The following PLXNA4 variants were observed in gnomAD, a reference collection of about 807,000 sequenced individuals.
PLXNA4 encodes the protein plexin-A4.
PLXNA4 carries 44 observed loss-of-function variants against 191.8 expected under a neutral mutation model. The ratio of observed to expected loss-of-function variants is 0.23; its 90% CI spans 0.18 to 0.29. The LOEUF is 0.29. Among genes scored for constraint, PLXNA4 ranks in the 10% least tolerant of loss-of-function variants. The pLI, the probability that PLXNA4 is intolerant of heterozygous loss-of-function variation, is 1.00. For missense variants in PLXNA4, 1,800 were observed against 2,488.8 expected (o/e 0.72, Z 5.89); for synonymous variants, 1,082 against 1,009.5 (o/e 1.07, Z -1.36).
chr7:132,492,165 G>A (rs1002054035), intron 2 of PLXNA4, among the ~76,000 whole-genome samples: 1 of 152,098 alleles, frequency 6.6e-6, no homozygotes, highest in Non-Finnish European at 1.5e-5. Flanking sequence ...GCACAGGGTG[G>A]GGACACTGAG....
chr7:132,512,320 T>A (rs1210122464), intron 1 of PLXNA4, among the ~76,000 whole-genome samples: 1 of 152,168 alleles, frequency 6.6e-6, no homozygotes, highest in African/African-American at 2.4e-5. Flanking sequence ...AGCTCTCTAG[T>A]CTGCAAGAGG....
rs557200276 is a variant in PLXNA4, at chr7:132,459,139, C to T, written c.1371+30153G>A. On this transcript the variant is annotated intron_variant, in intron 3 of 31. Transcript: ENST00000321063. ...AGAGCCCGCGCTCTTCCTCCTGCCA[C>T]CCAGCCGTGGAGCATTTGGACCCTT... is the stretch of plus-strand genomic sequence containing the variant. Among the ~76,000 whole-genome samples, 138 of 152,306 alleles carry T rather than the reference C, an allele frequency of 9.1e-4. 3 individuals carry two copies. The South Asian group carries it at 0.027, about 30-fold the overall frequency.
In PLXNA4 at chr7:132,210,994, T is replaced by C; in HGVS notation, c.2247A>G (p.Arg749=). ...AGCTGTTGAAGCGCAGGGCGGGCAC[T>C]CGCTGCTCGCTGCCCTGAATGTTGA... ...CILNIQGSEQ[R]VPALRFNSSS... is the part of the protein sequence containing the mutation. The change falls in exon 10 of 32, where the codon CGA becomes CGG. Residue 749 remains arginine (R), a synonymous_variant. Transcript: ENST00000321063. 3.1e-6 allele frequency: 5 copies of C among 1,613,778 alleles called. No homozygotes were observed. The highest frequency in any genetic ancestry group is 4.2e-6 in the Non-Finnish European group (5 of 1,180,014).
chr7:132,191,183 T>C (rs1797075265), intron 14 of PLXNA4, among the ~76,000 whole-genome samples: 1 of 152,094 alleles, frequency 6.6e-6, no homozygotes. Context: ...GCGGCTGACA[T>C]GATGGTAGAT....
chr7:132,462,168 C>T (rs1208271258), intron 3 of PLXNA4, among the ~76,000 whole-genome samples: 1 of 152,152 alleles, frequency 6.6e-6, no homozygotes. Flanking sequence ...TAAAATCATA[C>T]TGTTTAATTC....
At chr7:132,451,370 G>A (rs948528037) in intron 3 of PLXNA4, among the ~76,000 whole-genome samples, 10 of 152,136 alleles carry the variant, frequency 6.6e-5, no homozygotes, top group South Asian at 2.1e-4. Flanking sequence ...AGGCAGCAGC[G>A]GCTGCTGACG....
chr7:132,522,258 C>A (rs1367193772), intron 1 of PLXNA4, among the ~76,000 whole-genome samples: 1 of 152,208 alleles, frequency 6.6e-6, no homozygotes, highest in Non-Finnish European at 1.5e-5. Flanking sequence ...CAACCATCAC[C>A]ACCTCTCATT....
intron 3 of PLXNA4, among the ~76,000 whole-genome samples, chr7:132,400,638 G>T (rs1187336218): frequency 6.6e-6 from 1 of 152,148 alleles, no homozygotes. Flanking sequence ...TCCCAGGAAA[G>T]AGAAGCCTCC....
At chr7:132,354,295 G>A (rs1338514791) in intron 3 of PLXNA4, among the ~76,000 whole-genome samples, 3 of 152,134 alleles carry the variant, frequency 2.0e-5, no homozygotes, top group East Asian at 3.9e-4. Flanking sequence ...TGAACTCACG[G>A]TACTCACAAT....
In PLXNA4 at chr7:132,344,062, C is replaced by T. The variant is rs982519046; in HGVS notation, c.1372-45840G>A. Among the ~76,000 whole-genome samples the T allele has an allele frequency of 2.1e-4, 32 of 152,180 alleles. 1 individual carries two copies. Among genetic ancestry groups the T allele is most frequent in the East Asian group, 7.7e-4 (4 of 5,188 alleles). On this transcript the variant is annotated intron_variant, in intron 3 of 31. Coordinates refer to ENST00000321063, the MANE Select transcript of PLXNA4 (RefSeq NM_020911.2). Reference sequence around the variant, plus strand: ...CCATAATGCCCCTAGTACCCAATGGCCAACTTGAATTACTGTGTCTTATCA... The same window carrying T: ...CCATAATGCCCCTAGTACCCAATGGTCAACTTGAATTACTGTGTCTTATCA...
intron 3 of PLXNA4, among the ~76,000 whole-genome samples, chr7:132,341,092 C>G (rs1585012365): frequency 6.6e-6 from 1 of 152,266 alleles, no homozygotes; most frequent in South Asian, 2.1e-4. Flanking sequence ...AGAACTGACC[C>G]CTATCCAGGC....
At chr7:132,303,310 C>T (rs972186610) in intron 3 of PLXNA4, among the ~76,000 whole-genome samples, 2 of 147,374 alleles carry the variant, frequency 1.4e-5, no homozygotes, top group South Asian at 2.2e-4. Context: ...GTTGCTTAAG[C>T]CTGTAATCCC....
chr7:132,324,976 C>A (rs879452422), intron 3 of PLXNA4, among the ~76,000 whole-genome samples: 1 of 152,148 alleles, frequency 6.6e-6, no homozygotes, highest in African/African-American at 2.4e-5. Flanking sequence ...CAGAGGAGAG[C>A]AGCCTCCTCT....
intron 4 of PLXNA4, among the ~76,000 whole-genome samples, chr7:132,276,041 TTCTC>T (rs890388047): frequency 6.6e-6 from 1 of 152,166 alleles, no homozygotes; most frequent in Admixed American, 6.5e-5. Flanking sequence ...TAGTCCCAGT[TTCTC>T]TCTATCATGT....
intron 1 of PLXNA4, among the ~76,000 whole-genome samples, chr7:132,558,202 G>A (rs913853359): frequency 3.3e-5 from 5 of 152,122 alleles, no homozygotes; most frequent in Non-Finnish European, 5.9e-5. Context: ...TTTGTTACCT[G>A]GTTAAATGCT....
rs779801636 is a variant in PLXNA4 at position 132,128,421 on chromosome 7, C to CTGAT, written c.*2054_*2057dup. On this transcript the variant is annotated 3_prime_UTR_variant, in exon 32 of 32. Transcript: ENST00000321063. Reference sequence around the variant, plus strand: ...GTCCAGGCCTCGGCAGGCGACCACCCTGATTTCCTATGGACAAGCGCCCTC... The same window carrying CTGAT: ...GTCCAGGCCTCGGCAGGCGACCACCCTGATTGATTTCCTATGGACAAGCGCCCTC... 3.3e-5 allele frequency: 5 copies of CTGAT among 152,210 alleles called. No individual in the cohort carries two copies. Among genetic ancestry groups the CTGAT allele is most frequent in the Non-Finnish European group, 7.3e-5 (5 of 68,076 alleles). 9.4% of individuals were successfully genotyped at this position (152,210 alleles called of 1,614,324 possible).
chr7:132,541,231 T>C (rs1372803045), intron 1 of PLXNA4, among the ~76,000 whole-genome samples: 1 of 152,208 alleles, frequency 6.6e-6, no homozygotes, highest in Admixed American at 6.5e-5. Flanking sequence ...CCCCTTTCCC[T>C]AGAGACTCCT....
Position 132,509,353 on chromosome 7 carries a change from A to G in PLXNA4, c.-86-574T>C, listed in dbSNP as rs551933690. 2.0e-5 allele frequency among the ~76,000 whole-genome samples: 3 copies of G among 152,042 alleles called. No individual in the cohort carries two copies. In the East Asian group the frequency reaches 5.8e-4, roughly 29 times the overall value. On this transcript the variant is annotated intron_variant, in intron 1 of 31. Coordinates refer to ENST00000321063, the MANE Select transcript of PLXNA4 (RefSeq NM_020911.2). The stretch of plus-strand genomic sequence containing the variant: ...AACAGAGACCTCACTATTACTATCC[A>G]CCCATACTACATTGCCCCTTAAAGA...
At chr7:132,368,362 G>T (rs760151083) in intron 3 of PLXNA4, among the ~76,000 whole-genome samples, 6 of 152,162 alleles carry the variant, frequency 3.9e-5, no homozygotes, top group Non-Finnish European at 5.9e-5. Flanking sequence ...AGCTGGATGG[G>T]GAGGGACGCG....
Sources: gnomAD v4.1 joint callset for allele counts (sites outside exome capture counted in the v4.1 genomes callset) on GRCh38, gnomAD v4.1.1 for gene constraint, MANE v1.5 for transcripts, NCBI Gene and HGNC (gene_info 2026-07-23, HGNC 2026-07-21) for gene names.